Variants in NRIP2 observed in about 807,000 individuals in gnomAD.
The protein encoded by NRIP2 is nuclear receptor interacting protein 2.
Under a neutral mutation model 34.1 loss-of-function variants are expected in NRIP2, and 27 were observed. The observed-to-expected ratio is 0.79, with a 90% CI of 0.58 to 1.09. The LOEUF (loss-of-function observed/expected upper bound fraction) is 1.09, where lower values mean the gene tolerates loss of function less well. Among genes scored for constraint, NRIP2 ranks in the 50% least tolerant of loss-of-function variants. NRIP2 has a pLI of 0.00. For synonymous variants in NRIP2, 145 were observed against 146.9 expected, an observed-to-expected ratio of 0.99 and a Z score of 0.09; for missense variants, 385 against 352.6, an observed-to-expected ratio of 1.09 and a Z score of -0.74.
Position 2,834,787 on chromosome 12 carries a change from G to C in NRIP2, c.197C>G (p.Thr66Arg). 6.2e-7 allele frequency: 1 copy of C among 1,613,636 alleles called. No homozygotes were observed. The highest frequency in any genetic ancestry group is 8.5e-7 in the Non-Finnish European group (1 of 1,179,938). The change falls in exon 1 of 6, where the codon ACG becomes AGG. Residue 66 changes from threonine to arginine, a missense_variant. By Grantham distance (71) the Thr-to-Arg change is moderately conservative (BLOSUM62 -1). Transcript: ENST00000337508. ...TCGAAGCTGTGCCTCCTGCCCCCTC[G>C]TCCTGGCTTCTCCCTCATCTCTCCT... Reference protein sequence around the residue: ...EARRDEGEARTRGQEAQLRDR... With the variant: ...EARRDEGEARRRGQEAQLRDR...
Position 2,826,873 on chromosome 12 carries a change from G to T in NRIP2, c.*334C>A, listed in dbSNP as rs1192184225. 1.4e-5 allele frequency: 9 copies of T among 628,994 alleles called. No individual in the cohort carries two copies. The highest frequency in any genetic ancestry group is 1.0e-4 in the Admixed American group (2 of 19,948). The allele number at this position is 628,994 out of a possible 1,614,324, so 39.0% of individuals were successfully genotyped here. On this transcript the variant is annotated 3_prime_UTR_variant, in exon 6 of 6. Coordinates refer to ENST00000337508, the MANE Select transcript of NRIP2 (RefSeq NM_031474.3). ...GGGTGATGGACAAGGACAGCAGTCA[G>T]CAGAGCCTTCGACCCAGCCCAAGCA...
At chr12:2,831,029 A>G in intron 1 of NRIP2, 169 bp from the exon 2 acceptor site, 1 of 538,542 alleles carries the variant, frequency 1.9e-6, no homozygotes, top group Non-Finnish European at 3.0e-6. Context: ...AGTAAGCCCC[A>G]GTATCAAATC....
intron 2 of NRIP2, chr12:2,830,168 A>C (rs1311654162): frequency 1.3e-5 from 2 of 152,174 alleles, no homozygotes; most frequent in Non-Finnish European, 2.9e-5. Flanking sequence ...GGGAAATCAG[A>C]AAAGGTTTCA....
chr12:2,828,561 CA>C, intron 2 of NRIP2, 147 bp from the exon 3 acceptor site: 1 of 674,068 alleles, frequency 1.5e-6, no homozygotes, highest in Non-Finnish European at 2.5e-6. Context: ...TTATCGGGGC[CA>C]GGCGCGGTAG....
Position 2,834,950 on chromosome 12 carries a change from T to C in NRIP2, c.34A>G (p.Arg12Gly), listed in dbSNP as rs768275508. 1 of 1,592,392 alleles carries C rather than the reference T, an allele frequency of 6.3e-7. No homozygotes were observed. Among genetic ancestry groups the C allele is most frequent in the South Asian group, 1.1e-5 (1 of 88,576 alleles). Residue 12 changes from arginine (R) to glycine (G), a missense_variant, in exon 1 of 6, where the codon AGA becomes GGA. By Grantham distance (125) the Arg-to-Gly change is moderately radical. Coordinates refer to ENST00000337508, the MANE Select transcript of NRIP2 (RefSeq NM_031474.3). ...LFIFPLSLPWRPSCWKESCST... is the reference protein window; with the variant it reads ...LFIFPLSLPWGPSCWKESCST... ...CAGCTCTCTTTCCAACAGGAGGGTC[T>C]CCACGGGAGGGAAAGAGGAAAAATA...
rs755957163 is a variant in NRIP2 at position 2,827,884 on chromosome 12, G to C, written c.700+42C>G. 1.9e-6 allele frequency: 3 copies of C among 1,612,960 alleles called. No homozygotes were observed. Among genetic ancestry groups the C allele is most frequent in the African/African-American group, 2.7e-5 (2 of 74,910 alleles). On this transcript the variant is annotated intron_variant, in intron 4 of 5. Transcript: ENST00000337508. This position sits in a 1 kb window ranked among gnomAD's most constrained non-coding sequence, Gnocchi z 4.0. ...GCCTTTGCCCCACCCCAAAGAGAAA[G>C]GTGAGGTGAGCACCAGGGCTGTTGC...
chr12:2,829,181 G>T (rs1728689444), intron 2 of NRIP2, among the ~76,000 whole-genome samples: 7 of 152,190 alleles, frequency 4.6e-5, no homozygotes, highest in Non-Finnish European at 1.0e-4. Flanking sequence ...GAAAACTCCA[G>T]GTTAGGAATA....
At chr12:2,830,604 TCTCC>T (rs2097996494) in intron 2 of NRIP2, 100 bp downstream of exon 2, 122 of 1,271,878 alleles carry the variant, frequency 9.6e-5, no homozygotes, top group Middle Eastern at 2.5e-4. Context: ...AGGTGCCCTT[TCTCC>T]CTCCCTCCCT....
Position 2,826,274 on chromosome 12 carries a change from T to G in NRIP2, c.*933A>C, listed in dbSNP as rs2097966462. 6.6e-6 allele frequency: 1 copy of G among 151,740 alleles called. No homozygotes were observed. The highest frequency in any genetic ancestry group is 2.1e-4 in the South Asian group (1 of 4,804). The allele number at this position is 151,740 out of a possible 1,614,324, so 9.4% of individuals were successfully genotyped here. A position where few individuals can be genotyped will look rare whatever the true frequency, so the allele number is the denominator to read the frequency against. On this transcript the variant is annotated 3_prime_UTR_variant, in exon 6 of 6. Transcript: ENST00000337508. ...GGCAGGGGGTTAGAAAGCCACTGAT[T>G]CCAGGACAATACAAGCTTAAGCTCA...
rs192605458 is a variant in NRIP2, at chr12:2,827,447, G to C, written c.754-148C>G. 3.2e-4 allele frequency: 486 copies of C among 1,527,268 alleles called. 1 individual carries two copies. The East Asian group carries it at 9.5e-3, about 30-fold the overall frequency. The allele number at this position is 1,527,268 out of a possible 1,614,324, so 94.6% of individuals were successfully genotyped here. A position where few individuals can be genotyped will look rare whatever the true frequency, so the allele number is the denominator to read the frequency against. On this transcript the variant is annotated intron_variant, in intron 5 of 5. Coordinates refer to ENST00000337508, the MANE Select transcript of NRIP2 (RefSeq NM_031474.3). The surrounding 1 kb of genome is among the most constrained non-coding windows in gnomAD (Gnocchi z 4.0). ...CCATTTCCCTAGACTCCTGTTGAAGGGGGTGACCCAGTTCTCTTGATTTTT... is the reference window on the plus strand; with the variant it reads ...CCATTTCCCTAGACTCCTGTTGAAGCGGGTGACCCAGTTCTCTTGATTTTT...
chr12:2,832,991 G>A (rs565293965), intron 1 of NRIP2, among the ~76,000 whole-genome samples: 6 of 151,962 alleles, frequency 3.9e-5, no homozygotes, highest in African/African-American at 9.7e-5. Context: ...ACCTTCCCAC[G>A]ATGAACACAG....
At chr12:2,829,119 G>A (rs932935083) in intron 2 of NRIP2, among the ~76,000 whole-genome samples, 7 of 152,124 alleles carry the variant, frequency 4.6e-5, no homozygotes, top group Admixed American at 1.3e-4. Flanking sequence ...ATGGAGAAAC[G>A]GTGATTTGTT....
intron 2 of NRIP2, 129 bp downstream of exon 2, chr12:2,830,579 C>T (rs2097996414): frequency 9.9e-7 from 1 of 1,012,864 alleles, no homozygotes; most frequent in Non-Finnish European, 1.4e-6. Context: ...CTGGTTAGGT[C>T]CAGGCTAGGG....
At position 2,827,514 on chromosome 12, in the gene NRIP2, C is replaced by G; in HGVS notation, c.753+111G>C. The G allele has an allele frequency of 6.3e-7, 1 of 1,575,004 alleles. No homozygotes were observed. The highest frequency in any genetic ancestry group is 8.6e-7 in the Non-Finnish European group (1 of 1,164,936). On this transcript the variant is annotated intron_variant, in intron 5 of 5. Transcript: ENST00000337508. The surrounding 1 kb of genome is among the most constrained non-coding windows in gnomAD (Gnocchi z 4.0). Reference sequence around the variant, plus strand: ...AGGAACCTCTAAGGAAGCAAAGGGACAGTTGCCCATCTCTAAGTCACTCTC... The same window carrying G: ...AGGAACCTCTAAGGAAGCAAAGGGAGAGTTGCCCATCTCTAAGTCACTCTC...
At chr12:2,830,261 T>C (rs1489409113) in intron 2 of NRIP2, 6 of 152,980 alleles carry the variant, frequency 3.9e-5, no homozygotes, top group Admixed American at 6.5e-5. Flanking sequence ...GCAATCCACA[T>C]AGAAGAAGCA....
chr12:2,832,588 A>G (rs1345674097), intron 1 of NRIP2, among the ~76,000 whole-genome samples: 1 of 151,602 alleles, frequency 6.6e-6, no homozygotes, highest in African/African-American at 2.4e-5. Context: ...TGAGTTCTTC[A>G]TGCTCCTCTC....
Position 2,827,052 on chromosome 12 carries a change from G to T in NRIP2, c.*155C>A. Reference sequence around the variant, plus strand: ...CTGCTGAGAAGCAGAGAGGAATGCGGCCAGCTGGGGAAAATGGGACAGCAG... The same window carrying T: ...CTGCTGAGAAGCAGAGAGGAATGCGTCCAGCTGGGGAAAATGGGACAGCAG... On this transcript the variant is annotated 3_prime_UTR_variant, in exon 6 of 6. Transcript: ENST00000337508. The surrounding 1 kb of genome is among the most constrained non-coding windows in gnomAD (Gnocchi z 4.0). 1 of 1,471,930 alleles carries T rather than the reference G, an allele frequency of 6.8e-7. No individual in the cohort carries two copies. Among genetic ancestry groups the T allele is most frequent in the South Asian group, 1.4e-5 (1 of 73,214 alleles). The allele number at this position is 1,471,930 out of a possible 1,614,324, so 91.2% of individuals were successfully genotyped here. A position where few individuals can be genotyped will look rare whatever the true frequency, so the allele number is the denominator to read the frequency against.
intron 1 of NRIP2, among the ~76,000 whole-genome samples, chr12:2,832,776 AGACT>A (rs1210399635): frequency 1.3e-5 from 2 of 149,434 alleles, no homozygotes; most frequent in Non-Finnish European, 3.0e-5. Context: ...TGCTTGCTGC[AGACT>A]GACTCTTCCC....
Position 2,830,791 on chromosome 12 carries a change from G to C in NRIP2, c.412C>G (p.Arg138Gly), listed in dbSNP as rs768143956. 1 of 1,613,626 alleles carries C rather than the reference G, an allele frequency of 6.2e-7. No individual in the cohort carries two copies. Among genetic ancestry groups the C allele is most frequent in the South Asian group, 1.1e-5 (1 of 90,950 alleles). ...TGGCCATGAATCAGGTCCTGCATCC[G>C]GGGAGGCTCCCCCTGAAGCCAATTC... is the stretch of plus-strand genomic sequence containing the variant. Reference protein sequence around the residue: ...NPNWLQGEPPRMQDLIHGQES... With the variant: ...NPNWLQGEPPGMQDLIHGQES... Residue 138 changes from arginine to glycine, a missense_variant, in exon 2 of 6, where the codon CGG becomes GGG. Physicochemically the swap from Arg to Gly is moderately radical, Grantham distance 125. Transcript: ENST00000337508.
Sources: gnomAD v4.1 joint callset for allele counts (sites outside exome capture counted in the v4.1 genomes callset) on GRCh38, gnomAD v4.1.1 for gene constraint, Gnocchi (gnomAD v3.1) non-coding constraint, MANE v1.5 for transcripts, NCBI Gene and HGNC (gene_info 2026-07-23, HGNC 2026-07-21) for gene names.